ELAVL3: variants seen among roughly 807,000 people sequenced by gnomAD.
The protein encoded by ELAVL3 is ELAV-like protein 3.
Under a neutral mutation model 34.2 loss-of-function variants are expected in ELAVL3, and 8 were observed. The ratio of observed to expected loss-of-function variants is 0.23; its 90% CI spans 0.14 to 0.42. The LOEUF (loss-of-function observed/expected upper bound fraction) is 0.42, where lower values mean the gene tolerates loss of function less well. ELAVL3 is among the 10% of genes least tolerant of loss of function. ELAVL3 has a pLI of 1.00. For synonymous variants in ELAVL3, 209 were observed against 222.1 expected, an observed-to-expected ratio of 0.94 and a Z score of 0.53; for missense variants, 273 against 518.8, an observed-to-expected ratio of 0.53 and a Z score of 4.60.
chr19:11,471,591 C>T (rs751652227), intron 1 of ELAVL3, among the ~76,000 whole-genome samples: 5 of 151,384 alleles, frequency 3.3e-5, no homozygotes, highest in Admixed American at 6.6e-5. Context: ...CCAGCCTGGG[C>T]GACAGAGAGA....
At chr19:11,461,977 C>T (rs1970894979) in intron 3 of ELAVL3, among the ~76,000 whole-genome samples, 1 of 151,804 alleles carries the variant, frequency 6.6e-6, no homozygotes, top group African/African-American at 2.4e-5. Context: ...AGATCAAGAC[C>T]ATCCTAGCTA....
chr19:11,473,963 T>C (rs185676218), intron 1 of ELAVL3, among the ~76,000 whole-genome samples: 8 of 152,224 alleles, frequency 5.3e-5, no homozygotes, highest in Admixed American at 2.0e-4. Flanking sequence ...ACGTCTGTCA[T>C]GGGCATGATC....
chr19:11,452,270 A>C lies in ELAVL3; in HGVS notation c.*2256T>G, dbSNP rs968834890. 6.6e-6 allele frequency: 1 copy of C among 152,228 alleles called. No homozygotes were observed. The highest frequency in any genetic ancestry group is 2.4e-5 in the African/African-American group (1 of 41,460). 9.4% of individuals were successfully genotyped at this position (152,228 alleles called of 1,614,324 possible). On this transcript the variant is annotated 3_prime_UTR_variant, in exon 7 of 7. Coordinates refer to ENST00000359227, the MANE Select transcript of ELAVL3 (RefSeq NM_001420.4). Reference sequence around the variant, plus strand: ...CCCCTTTTATAAATAAATTAGGCATAACCATGTCTCGGCAAAACTTAAAGA... The same window carrying C: ...CCCCTTTTATAAATAAATTAGGCATCACCATGTCTCGGCAAAACTTAAAGA...
Position 11,480,414 on chromosome 19 carries a change from A to C in ELAVL3, c.9+186T>G, listed in dbSNP as rs1971352321. The stretch of plus-strand genomic sequence containing the variant: ...CTAAGGCCCTCTCAGACCAAGCTCT[A>C]AGCGCCCTCAGCACTCTGGGCGCGG... On this transcript the variant is annotated intron_variant, in intron 1 of 6. Transcript: ENST00000359227. The surrounding 1 kb of genome is among the most constrained non-coding windows in gnomAD (Gnocchi z 6.8). The C allele has an allele frequency of 1.6e-6, 1 of 615,786 alleles. No homozygotes were observed. The highest frequency in any genetic ancestry group is 2.5e-6 in the Non-Finnish European group (1 of 404,438). 38.1% of individuals were successfully genotyped at this position (615,786 alleles called of 1,614,324 possible).
Position 11,453,886 on chromosome 19 carries a change from C to G in ELAVL3, c.*640G>C, listed in dbSNP as rs971992519. The G allele has an allele frequency of 6.6e-6, 1 of 150,748 alleles. No homozygotes were observed. The highest frequency in any genetic ancestry group is 2.4e-5 in the African/African-American group (1 of 40,834). 9.3% of individuals were successfully genotyped at this position (150,748 alleles called of 1,614,324 possible). A position where few individuals can be genotyped will look rare whatever the true frequency, so the allele number is the denominator to read the frequency against. ...TTTTTTTTTTCAAGTTCAAGAATCC[C>G]CAGTAAAAATTCTCCACGAGGTCTT... On this transcript the variant is annotated 3_prime_UTR_variant, in exon 7 of 7. Transcript: ENST00000359227.
At position 11,454,012 on chromosome 19, in the gene ELAVL3, C is replaced by T. The variant is rs1486210812; in HGVS notation, c.*514G>A. The T allele has an allele frequency of 6.6e-6, 1 of 152,302 alleles. No individual in the cohort carries two copies. The highest frequency in any genetic ancestry group is 1.5e-5 in the Non-Finnish European group (1 of 68,052). 9.4% of individuals were successfully genotyped at this position (152,302 alleles called of 1,614,324 possible). On this transcript the variant is annotated 3_prime_UTR_variant, in exon 7 of 7. Transcript: ENST00000359227. The surrounding 1 kb of genome is among the most constrained non-coding windows in gnomAD (Gnocchi z 9.2). ...CCCCACTGCCTGCTCCCCCGCATTC[C>T]ACCAGGGGGCACTGGGCCGGGGGTG...
At chr19:11,479,976 C>T (rs1971342748) in intron 1 of ELAVL3, among the ~76,000 whole-genome samples, 1 of 151,308 alleles carries the variant, frequency 6.6e-6, no homozygotes, top group Admixed American at 6.6e-5. Flanking sequence ...CAGCCCGAGG[C>T]GCCCGCGCGA....
intron 3 of ELAVL3, among the ~76,000 whole-genome samples, chr19:11,462,174 CAA>C (rs775716481): frequency 1.5e-4 from 11 of 73,708 alleles, no homozygotes; most frequent in Non-Finnish European, 2.3e-4. Flanking sequence ...GACTCCGTCT[CAA>C]AAAAAAAAAA....
intron 3 of ELAVL3, among the ~76,000 whole-genome samples, chr19:11,461,484 C>CTTCA (rs1970884274): frequency 7.2e-6 from 1 of 139,536 alleles, no homozygotes; most frequent in African/African-American, 2.6e-5. Flanking sequence ...CCCTCCCTTC[C>CTTCA]TTCCTTCCTT....
At chr19:11,479,927 C>T (rs1274687508) in intron 1 of ELAVL3, among the ~76,000 whole-genome samples, 1 of 151,746 alleles carries the variant, frequency 6.6e-6, no homozygotes, top group Admixed American at 6.6e-5. Context: ...AGAGGTGCCC[C>T]CCCAACCCGC....
Position 11,454,578 on chromosome 19 carries a change from C to T in ELAVL3, c.1052G>A (p.Gly351Asp). The T allele has an allele frequency of 6.2e-7, 1 of 1,614,130 alleles. No homozygotes were observed. The highest frequency in any genetic ancestry group is 8.5e-7 in the Non-Finnish European group (1 of 1,179,966). Residue 351 changes from glycine to aspartate, a missense_variant, in exon 7 of 7, where the codon GGC becomes GAC. This residue lies in a region of ELAVL3 where 52 missense variants were observed against 119.6 expected (regional missense o/e 0.43). Coordinates refer to ENST00000359227, the MANE Select transcript of ELAVL3 (RefSeq NM_001420.4). The surrounding 1 kb of genome is among the most constrained non-coding windows in gnomAD (Gnocchi z 9.2). ...AIASLNGYRL[G>D]ERVLQVSFKT... is the part of the protein sequence containing the mutation. ...GAAGGAGACCTGCAGCACGCGCTCGCCCAGGCGATAGCCGTTCAGGCTGGC... is the reference window on the plus strand; with the variant it reads ...GAAGGAGACCTGCAGCACGCGCTCGTCCAGGCGATAGCCGTTCAGGCTGGC...
chr19:11,466,786 C>G lies in ELAVL3; in HGVS notation c.51G>C (p.Pro17=). 6.2e-7 allele frequency: 1 copy of G among 1,612,980 alleles called. No homozygotes were observed. The highest frequency in any genetic ancestry group is 1.1e-5 in the South Asian group (1 of 91,004). ...GCCCGTTGGGCAGGGCCGGGCCGGCCGGGCCCCCCCCCACCTGAGACTCCA... is the reference window on the plus strand; with the variant it reads ...GCCCGTTGGGCAGGGCCGGGCCGGCGGGGCCCCCCCCCACCTGAGACTCCA... The part of the protein sequence containing the change: ...GAMESQVGGG[P]AGPALPNGPL... The change falls in exon 2 of 7, where the codon CCG becomes CCC. Residue 17 remains proline (P), a synonymous_variant. Coordinates refer to ENST00000359227, the MANE Select transcript of ELAVL3 (RefSeq NM_001420.4). This position sits in a 1 kb window ranked among gnomAD's most constrained non-coding sequence, Gnocchi z 5.0.
chr19:11,457,086 A>ACAGTGGGGCGGGGT, intron 6 of ELAVL3, 24 bp downstream of exon 6: 1 of 1,494,586 alleles, frequency 6.7e-7, no homozygotes, highest in Non-Finnish European at 8.9e-7. Context: ...AGGGGTGGGG[A>ACAGTGGGGCGGGGT]CAGTGGGGCG....
Position 11,480,618 on chromosome 19 carries a change from C to A in ELAVL3, c.-10G>T. The stretch of plus-strand genomic sequence containing the variant: ...TACCTACAGTGACCATTCTTGTGTG[C>A]CCGGCGGGCGCGGTCCGTGTTGAGG... On this transcript the variant is annotated 5_prime_UTR_variant, in exon 1 of 7. Coordinates refer to ENST00000359227, the MANE Select transcript of ELAVL3 (RefSeq NM_001420.4). This position sits in a 1 kb window ranked among gnomAD's most constrained non-coding sequence, Gnocchi z 6.8. The A allele has an allele frequency of 6.9e-7, 1 of 1,456,164 alleles. No individual in the cohort carries two copies. The allele number at this position is 1,456,164 out of a possible 1,614,324, so 90.2% of individuals were successfully genotyped here.
chr19:11,480,843 A>C lies in ELAVL3; in HGVS notation c.-235T>G. ...TGGCCTGCGGGCGGCAGGGGATGGA[A>C]AGAGGGAGCGGGCGCGGGGTTGAGG... On this transcript the variant is annotated 5_prime_UTR_variant, in exon 1 of 7. Coordinates refer to ENST00000359227, the MANE Select transcript of ELAVL3 (RefSeq NM_001420.4). The surrounding 1 kb of genome is among the most constrained non-coding windows in gnomAD (Gnocchi z 6.8). The C allele has an allele frequency of 2.7e-6, 1 of 374,704 alleles. No individual in the cohort carries two copies. 23.2% of individuals were successfully genotyped at this position (374,704 alleles called of 1,614,324 possible).
At chr19:11,467,181 G>C (rs1971071491) in intron 1 of ELAVL3, among the ~76,000 whole-genome samples, 1 of 152,138 alleles carries the variant, frequency 6.6e-6, no homozygotes, top group South Asian at 2.1e-4. Flanking sequence ...TCAGCACTTT[G>C]GGAAGCTGAG....
intron 3 of ELAVL3, among the ~76,000 whole-genome samples, chr19:11,461,525 T>A (rs1970885449): frequency 7.7e-6 from 1 of 129,250 alleles, no homozygotes; most frequent in Non-Finnish European, 1.6e-5. Context: ...CCACTCTCCC[T>A]CCCTCCCTCT....
intron 1 of ELAVL3, among the ~76,000 whole-genome samples, chr19:11,477,284 G>A (rs2144915757): frequency 6.6e-6 from 1 of 152,122 alleles, no homozygotes. Flanking sequence ...AGTTTTGTGG[G>A]GTTTTTCTTT....
At position 11,454,915 on chromosome 19, in the gene ELAVL3, C is replaced by T. The variant is rs745631578; in HGVS notation, c.753-38G>A. The T allele has an allele frequency of 4.5e-5, 70 of 1,557,132 alleles. No individual in the cohort carries two copies. Among genetic ancestry groups the T allele is most frequent in the African/African-American group, 5.4e-5 (4 of 73,908 alleles). On this transcript the variant is annotated intron_variant, in intron 6 of 6. Coordinates refer to ENST00000359227, the MANE Select transcript of ELAVL3 (RefSeq NM_001420.4). This position sits in a 1 kb window ranked among gnomAD's most constrained non-coding sequence, Gnocchi z 9.2. The stretch of plus-strand genomic sequence containing the variant: ...TCACGCGGGCTCTGCCCTGACCCCC[C>T]GCATGCTTCTGACCCCGTTGTGACC...
Sources: allele counts gnomAD v4.1 joint callset (sites outside exome capture counted in the v4.1 genomes callset), GRCh38; gene constraint gnomAD v4.1.1; regional missense constraint gnomAD v4.1.1; non-coding constraint Gnocchi (gnomAD v3.1); transcripts MANE v1.5; gene names NCBI Gene and HGNC (gene_info 2026-07-23, HGNC 2026-07-21).